SLC8A1: variants seen among roughly 807,000 people sequenced by gnomAD.
SLC8A1 encodes solute carrier family 8 member A1, also known as sodium/calcium exchanger 1.
A neutral mutation model predicts 68.3 loss-of-function variants in SLC8A1; 18 were observed. The ratio of observed to expected loss-of-function variants is 0.26; its 90% CI spans 0.18 to 0.39. SLC8A1 has a LOEUF of 0.39. Ranked by LOEUF, SLC8A1 falls within the 10% of genes least tolerant of loss-of-function variation. SLC8A1 has a pLI of 1.00. For missense variants in SLC8A1, 985 were observed against 1,156.7 expected, an observed-to-expected ratio of 0.85 and a Z score of 2.15; for synonymous variants, 475 against 415.5, an observed-to-expected ratio of 1.14 and a Z score of -1.74.
chr2:40,280,122 A>G (rs527878379), intron 2 of SLC8A1, among the ~76,000 whole-genome samples: 54 of 152,220 alleles, frequency 3.5e-4, no homozygotes, highest in African/African-American at 1.2e-3. Flanking sequence ...TCTGCTTTTA[A>G]AGATTATCTC....
intron 1 of SLC8A1, among the ~76,000 whole-genome samples, chr2:40,460,342 A>G (rs1027499483): frequency 6.6e-6 from 1 of 152,316 alleles, no homozygotes; most frequent in South Asian, 2.1e-4. Context: ...AGATCAATAA[A>G]TATCTGTTGA....
chr2:40,212,444 C>A (rs1450028093), intron 2 of SLC8A1, among the ~76,000 whole-genome samples: 1 of 152,016 alleles, frequency 6.6e-6, no homozygotes, highest in Admixed American at 6.6e-5. Context: ...GCCACCATAC[C>A]CAGCTAATTT....
At chr2:40,410,531 G>A (rs1275554748) in intron 2 of SLC8A1, among the ~76,000 whole-genome samples, 1 of 151,868 alleles carries the variant, frequency 6.6e-6, no homozygotes, top group Non-Finnish European at 1.5e-5. Context: ...ATTTTCCTAT[G>A]ATGAAAATAT....
At chr2:40,349,314 T>C (rs940656908) in intron 2 of SLC8A1, among the ~76,000 whole-genome samples, 1 of 152,124 alleles carries the variant, frequency 6.6e-6, no homozygotes, top group Non-Finnish European at 1.5e-5. Context: ...CTTTGAATCA[T>C]GGTCATTGAG....
chr2:40,244,897 GA>G (rs1339020003), intron 2 of SLC8A1, among the ~76,000 whole-genome samples: 2 of 152,150 alleles, frequency 1.3e-5, no homozygotes, highest in Admixed American at 6.5e-5. Flanking sequence ...ATGTCTGGGG[GA>G]TAAGTCCCAG....
exon 8 of SLC8A1, chr2:40,101,439 G>A (rs906944992): frequency 8.5e-5 from 13 of 152,072 alleles, no homozygotes; most frequent in African/African-American, 2.4e-4. Flanking sequence ...GTTAGAGAAA[G>A]GTGTCCAGGG....
Position 40,451,737 on chromosome 2 carries a change from T to A in SLC8A1, c.-25+167A>T, listed in dbSNP as rs1268494602. ...AATGTGCAGGCGCGCACACACCACA[T>A]CACACACACACACACACACACACAC... On this transcript the variant is annotated intron_variant, in intron 1 of 7. Coordinates refer to ENST00000406785, the Ensembl canonical transcript of SLC8A1. Among the ~76,000 whole-genome samples the A allele has an allele frequency of 2.3e-3, 312 of 133,744 alleles. 2 individuals carry two copies. The highest frequency in any genetic ancestry group is 8.4e-3 in the African/African-American group (300 of 35,682). 87.7% of individuals were successfully genotyped at this position (133,744 alleles called of 152,430 possible).
intron 2 of SLC8A1, among the ~76,000 whole-genome samples, chr2:40,333,283 GAAA>G (rs2076610025): frequency 6.6e-6 from 1 of 151,672 alleles, no homozygotes; most frequent in Admixed American, 6.6e-5. Context: ...CTAAAAATAC[GAAA>G]AATTTGCCAG....
chr2:40,260,928 C>T lies in SLC8A1; in HGVS notation c.1809-83073G>A, dbSNP rs575480806. 2.6e-5 allele frequency among the ~76,000 whole-genome samples: 4 copies of T among 152,100 alleles called. No homozygotes were observed. The South Asian group carries it at 8.3e-4, about 32-fold the overall frequency. Reference sequence around the variant, plus strand: ...AAGAACTTTTCATCTTATTTCCATCCACAAATTAAAAGGGATGGAATTACT... The same window carrying T: ...AAGAACTTTTCATCTTATTTCCATCTACAAATTAAAAGGGATGGAATTACT... On this transcript the variant is annotated intron_variant, in intron 2 of 7. Coordinates refer to ENST00000406785, the Ensembl canonical transcript of SLC8A1.
At chr2:40,144,716 A>G (rs2042143102) in intron 6 of SLC8A1, among the ~76,000 whole-genome samples, 1 of 152,138 alleles carries the variant, frequency 6.6e-6, no homozygotes, top group African/African-American at 2.4e-5. Context: ...CCAAGAAAAC[A>G]TGGGAAATAA....
chr2:40,463,887 C>CACACACAT (rs796954298), intron 1 of SLC8A1, among the ~76,000 whole-genome samples: 1,409 of 108,270 alleles, frequency 0.013, 19 homozygotes, highest in African/African-American at 0.035. Flanking sequence ...CACACACACA[C>CACACACAT]ATATATATAT....
chr2:40,146,639 G>GCCCCCC (rs199542049), intron 6 of SLC8A1, among the ~76,000 whole-genome samples: 19 of 151,538 alleles, frequency 1.3e-4, no homozygotes, highest in Admixed American at 3.3e-4. Context: ...GGGATGGGAG[G>GCCCCCC]CAGTGAAAGA....
intron 2 of SLC8A1, among the ~76,000 whole-genome samples, chr2:40,367,734 C>G (rs1676720367): frequency 2.6e-5 from 4 of 151,982 alleles, no homozygotes; most frequent in Admixed American, 2.6e-4. Flanking sequence ...TCCAGTACAA[C>G]ATGTAGCGAG....
chr2:40,102,357 A>C (rs2033944209), exon 8 of SLC8A1: 1 of 107,310 alleles, frequency 9.3e-6, no homozygotes, highest in Non-Finnish European at 2.1e-5. Context: ...GGGTTTGCTG[A>C]CTTGGTTTTT....
chr2:40,449,608 CT>C (rs1261650144), intron 1 of SLC8A1, among the ~76,000 whole-genome samples: 2 of 152,166 alleles, frequency 1.3e-5, no homozygotes, highest in Admixed American at 6.5e-5. Flanking sequence ...TTTTCTTCCC[CT>C]GGTCAACAAA....
At chr2:40,197,512 T>C (rs980862239) in intron 2 of SLC8A1, among the ~76,000 whole-genome samples, 3 of 152,004 alleles carry the variant, frequency 2.0e-5, no homozygotes, top group Admixed American at 6.6e-5. Flanking sequence ...AGGAAATTAA[T>C]TTAATTAAGC....
chr2:40,272,296 A>G (rs761614410), intron 2 of SLC8A1, among the ~76,000 whole-genome samples: 2 of 152,220 alleles, frequency 1.3e-5, no homozygotes, highest in Non-Finnish European at 2.9e-5. Context: ...GCAGTCCCTA[A>G]AACAAGAACA....
chr2:40,114,839 A>T (rs991651897), exon 8 of SLC8A1: 1 of 152,584 alleles, frequency 6.6e-6, no homozygotes, highest in East Asian at 1.9e-4. Context: ...TTACATTTGG[A>T]TGGTTTCACT....
chr2:40,499,481 G>GT (rs755658456), intron 1 of SLC8A1, among the ~76,000 whole-genome samples: 44 of 152,222 alleles, frequency 2.9e-4, no homozygotes, highest in Non-Finnish European at 5.3e-4. Context: ...GGAGCAAAAG[G>GT]TGAGTTGTTC....
Sources: allele counts gnomAD v4.1 joint callset (sites outside exome capture counted in the v4.1 genomes callset), GRCh38; gene constraint gnomAD v4.1.1; transcripts MANE v1.5; gene names NCBI Gene and HGNC (gene_info 2026-07-23, HGNC 2026-07-21).